The following CRAMP1 variants were observed in gnomAD, a reference collection of about 807,000 sequenced individuals.
CRAMP1 encodes protein cramped-like.
Under a neutral mutation model 115.4 loss-of-function variants are expected in CRAMP1, and 50 were observed. That is an observed-to-expected ratio of 0.43 (90% CI 0.35 to 0.55). The LOEUF (loss-of-function observed/expected upper bound fraction) is 0.55, where lower values mean the gene tolerates loss of function less well. Among genes scored for constraint, CRAMP1 ranks in the 20% least tolerant of loss-of-function variants. The pLI is 0.01. For synonymous variants in CRAMP1, 866 were observed against 745.4 expected, an observed-to-expected ratio of 1.16 and a Z score of -2.64; for missense variants, 1,679 against 1,721.7, an observed-to-expected ratio of 0.98 and a Z score of 0.44.
Position 1,650,194 on chromosome 16 carries a change from A to G in CRAMP1, c.828-2302A>G, listed in dbSNP as rs989901425. On this transcript the variant is annotated intron_variant, in intron 6 of 20. Coordinates refer to ENST00000397412, the MANE Select transcript of CRAMP1 (RefSeq NM_020825.4). The stretch of plus-strand genomic sequence containing the variant: ...GCATAATGCTGAAATTAGAGCTAGG[A>G]CCCTTTTAAAAGGATGGGGATTGCA... Among the ~76,000 whole-genome samples, 5 of 152,158 alleles carry G rather than the reference A, an allele frequency of 3.3e-5. No individual in the cohort carries two copies. The South Asian group carries it at 6.2e-4, about 19-fold the overall frequency.
Position 1,614,426 on chromosome 16 carries a change from C to G in CRAMP1, c.-1-213C>G. Among the ~76,000 whole-genome samples, 1 of 131,374 alleles carries G rather than the reference C, an allele frequency of 7.6e-6. No homozygotes were observed. The allele number at this position is 131,374 out of a possible 152,430, so 86.2% of individuals were successfully genotyped here. On this transcript the variant is annotated intron_variant, in intron 1 of 20. Transcript: ENST00000397412. The surrounding 1 kb of genome is among the most constrained non-coding windows in gnomAD (Gnocchi z 4.4). Reference sequence around the variant, plus strand: ...CGGCCAGGGGGCGTCCGGGGAGGCCCGGGAGGGTCCCGGGCTGGTGGGCAG... The same window carrying G: ...CGGCCAGGGGGCGTCCGGGGAGGCCGGGGAGGGTCCCGGGCTGGTGGGCAG...
rs748130394 is a variant in CRAMP1 at position 1,656,231 on chromosome 16, G to A, written c.1474G>A (p.Glu492Lys). 3.3e-5 allele frequency: 53 copies of A among 1,608,150 alleles called. No individual in the cohort carries two copies. The highest frequency in any genetic ancestry group is 4.2e-5 in the Non-Finnish European group (50 of 1,178,712). The change falls in exon 10 of 21, where the codon GAA becomes AAA. Residue 492 changes from glutamate (E) to lysine (K), a missense_variant. Physicochemically the swap from Glu to Lys is moderately conservative, Grantham distance 56 (BLOSUM62 1). Coordinates refer to ENST00000397412, the MANE Select transcript of CRAMP1 (RefSeq NM_020825.4). The surrounding 1 kb of genome is among the most constrained non-coding windows in gnomAD (Gnocchi z 5.6). ...ALQSSGESSP[E>K]SAPGEGAALS... ...GCAGAGCTCCGGAGAGAGTTCCCCC[G>A]AAAGCGCCCCCGGGGAGGGGGCTGC...
chr16:1,656,152 G>C lies in CRAMP1; in HGVS notation c.1395G>C (p.Arg465=). The change falls in exon 10 of 21, where the codon CGG becomes CGC. Residue 465 remains arginine, a synonymous_variant. Coordinates refer to ENST00000397412, the MANE Select transcript of CRAMP1 (RefSeq NM_020825.4). The surrounding 1 kb of genome is among the most constrained non-coding windows in gnomAD (Gnocchi z 5.6). ...GTARGQVKCP[R]SGAEGKGVGR... is the part of the protein sequence containing the mutation. ...CCCGGGGCCAGGTGAAATGCCCGCG[G>C]AGCGGAGCTGAGGGCAAGGGTGTGG... 5 of 1,607,222 alleles carry C rather than the reference G, an allele frequency of 3.1e-6. No individual in the cohort carries two copies. The highest frequency in any genetic ancestry group is 4.2e-6 in the Non-Finnish European group (5 of 1,177,742).
At chr16:1,632,428 G>A (rs762601424) in intron 4 of CRAMP1, 63 bp downstream of exon 4, 39 of 1,468,854 alleles carry the variant, frequency 2.7e-5, no homozygotes, top group Middle Eastern at 2.1e-4. Context: ...TGCTCAGAGC[G>A]CAGCTTCCAG....
rs1386733555 is a variant in CRAMP1 at position 1,647,699 on chromosome 16, A to C, written c.828-4797A>C. Among the ~76,000 whole-genome samples, 4 of 142,312 alleles carry C rather than the reference A, an allele frequency of 2.8e-5. No homozygotes were observed. In the East Asian group the frequency reaches 9.4e-4, roughly 33 times the overall value. The allele number at this position is 142,312 out of a possible 152,430, so 93.4% of individuals were successfully genotyped here. On this transcript the variant is annotated intron_variant, in intron 6 of 20. Transcript: ENST00000397412. ...GGGAGGCAGAGGTTTTAGTGAGCTGAGATGGCACCACTGCACTCCAGCCTG... is the reference window on the plus strand; with the variant it reads ...GGGAGGCAGAGGTTTTAGTGAGCTGCGATGGCACCACTGCACTCCAGCCTG...
At position 1,677,026 on chromosome 16, in the gene CRAMP1, A is replaced by G. The variant is rs1417802839; in HGVS notation, c.*2981A>G. 6.6e-6 allele frequency: 1 copy of G among 152,584 alleles called. No individual in the cohort carries two copies. The highest frequency in any genetic ancestry group is 1.5e-5 in the Non-Finnish European group (1 of 68,054). The allele number at this position is 152,584 out of a possible 1,614,324, so 9.5% of individuals were successfully genotyped here. On this transcript the variant is annotated 3_prime_UTR_variant, in exon 21 of 21. Transcript: ENST00000397412. ...GCATTGAATTCAAAATTTCTTCTGC[A>G]AAGAAAGTTGTGGGGCATAAGACAC...
Position 1,674,085 on chromosome 16 carries a change from G to A in CRAMP1, c.*40G>A. 1.3e-6 allele frequency: 2 copies of A among 1,589,604 alleles called. No homozygotes were observed. The highest frequency in any genetic ancestry group is 1.1e-5 in the South Asian group (1 of 88,928). ...GGCGGATGAAGCCCTCTTCGAGCTA[G>A]AGAAAAATAGATAAGCCCAGCAGCC... On this transcript the variant is annotated 3_prime_UTR_variant, in exon 21 of 21. Transcript: ENST00000397412.
intron 13 of CRAMP1, among the ~76,000 whole-genome samples, chr16:1,664,683 G>A (rs1490185145): frequency 6.6e-6 from 1 of 151,932 alleles, no homozygotes; most frequent in African/African-American, 2.4e-5. Context: ...GGAGGCTGAG[G>A]CAGGAGAATC....
intron 5 of CRAMP1, among the ~76,000 whole-genome samples, chr16:1,638,867 G>A (rs983403213): frequency 3.3e-5 from 5 of 152,026 alleles, no homozygotes; most frequent in Admixed American, 1.3e-4. Flanking sequence ...ATCTAGTGTG[G>A]CATTTGTGTG....
At position 1,665,261 on chromosome 16, in the gene CRAMP1, C is replaced by T. The variant is rs116322452; in HGVS notation, c.2752+123C>T. ...TCAGGCATTCCTTTGTCCATTCTAC[C>T]GACAAATACCTAATGTGCCCTATGT... On this transcript the variant is annotated intron_variant, in intron 14 of 20. Transcript: ENST00000397412. 6.0e-3 allele frequency: 4,294 copies of T among 712,976 alleles called. 147 individuals are homozygous for T. In the African/African-American group the frequency reaches 0.064, roughly 11 times the overall value. 44.2% of individuals were successfully genotyped at this position (712,976 alleles called of 1,614,324 possible). A position where few individuals can be genotyped will look rare whatever the true frequency, so the allele number is the denominator to read the frequency against.
chr16:1,614,792 C>A lies in CRAMP1; in HGVS notation c.153C>A (p.Thr51=). 7.6e-7 allele frequency: 1 copy of A among 1,310,178 alleles called. No homozygotes were observed. 81.2% of individuals were successfully genotyped at this position (1,310,178 alleles called of 1,614,324 possible). The change falls in exon 2 of 21, where the codon ACC becomes ACA. Residue 51 remains threonine, a synonymous_variant. Coordinates refer to ENST00000397412, the MANE Select transcript of CRAMP1 (RefSeq NM_020825.4). This position sits in a 1 kb window ranked among gnomAD's most constrained non-coding sequence, Gnocchi z 4.4. ...GCGGCACAAAGAGGGACGAGAAGAC[C>A]CCCCGGGCCGGCGCCGACGGCCCCC... ...ESSGTKRDEK[T]PRAGADGPPA...
chr16:1,620,128 G>T (rs1439917288), intron 2 of CRAMP1, among the ~76,000 whole-genome samples: 1 of 152,108 alleles, frequency 6.6e-6, no homozygotes, highest in Non-Finnish European at 1.5e-5. Flanking sequence ...TATCCACCAA[G>T]CCCTCACCCA....
At chr16:1,647,219 A>G (rs930454828) in intron 6 of CRAMP1, among the ~76,000 whole-genome samples, 1 of 152,240 alleles carries the variant, frequency 6.6e-6, no homozygotes, top group African/African-American at 2.4e-5. Context: ...AAATTAAATT[A>G]AAGACTAAAT....
intron 10 of CRAMP1, among the ~76,000 whole-genome samples, chr16:1,657,745 G>A (rs997463619): frequency 9.2e-5 from 14 of 152,294 alleles, no homozygotes; most frequent in Non-Finnish European, 7.4e-5. Context: ...CTGCTGCCAG[G>A]AGTAATCCTA....
At position 1,637,905 on chromosome 16, in the gene CRAMP1, G is replaced by T; in HGVS notation, c.776G>T (p.Gly259Val). The T allele has an allele frequency of 6.5e-7, 1 of 1,528,872 alleles. No individual in the cohort carries two copies. The highest frequency in any genetic ancestry group is 1.3e-5 in the South Asian group (1 of 78,870). 94.7% of individuals were successfully genotyped at this position (1,528,872 alleles called of 1,614,324 possible). A position where few individuals can be genotyped will look rare whatever the true frequency, so the allele number is the denominator to read the frequency against. Residue 259 changes from glycine (G) to valine (V), a missense_variant and splice_region_variant, in exon 5 of 21, where the codon GGC becomes GTC. This residue lies in a region of CRAMP1 where 42 missense variants were observed against 42.3 expected (regional missense o/e 0.99). Transcript: ENST00000397412. ...CYGELRKKIGGCMDDKNATKL... is the reference protein window; with the variant it reads ...CYGELRKKIGVCMDDKNATKL... ...GGCGAGCTGCGCAAGAAGATTGGGGGCTGTGAGTACGCTGACTGTGGGGTT... is the reference window on the plus strand; with the variant it reads ...GGCGAGCTGCGCAAGAAGATTGGGGTCTGTGAGTACGCTGACTGTGGGGTT...
intron 3 of CRAMP1, among the ~76,000 whole-genome samples, chr16:1,629,174 C>T (rs967557054): frequency 6.6e-6 from 1 of 152,226 alleles, no homozygotes; most frequent in Admixed American, 6.5e-5. Context: ...ACACAGCCAG[C>T]GTCCTGTGCT....
intron 6 of CRAMP1, among the ~76,000 whole-genome samples, chr16:1,650,859 AAC>A (rs2036716498): frequency 6.6e-6 from 1 of 152,276 alleles, no homozygotes; most frequent in Non-Finnish European, 1.5e-5. Flanking sequence ...CATTTTGTAA[AAC>A]ACAAGCCCAT....
rs78672477 is a variant in CRAMP1 at position 1,640,940 on chromosome 16, C to T, written c.779-199C>T. On this transcript the variant is annotated intron_variant, in intron 5 of 20. Coordinates refer to ENST00000397412, the MANE Select transcript of CRAMP1 (RefSeq NM_020825.4). Reference sequence around the variant, plus strand: ...GGGGCGTGCCAGGCTTTCAGGTGAGCGGGGGCGACCAGGGCAGCTGACTCG... The same window carrying T: ...GGGGCGTGCCAGGCTTTCAGGTGAGTGGGGGCGACCAGGGCAGCTGACTCG... Among the ~76,000 whole-genome samples the T allele has an allele frequency of 3.3e-5, 5 of 152,030 alleles. No individual in the cohort carries two copies. The East Asian group carries it at 5.8e-4, about 18-fold the overall frequency.
At chr16:1,658,529 G>GA (rs926832513) in intron 10 of CRAMP1, among the ~76,000 whole-genome samples, 16 of 152,240 alleles carry the variant, frequency 1.1e-4, no homozygotes, top group African/African-American at 3.6e-4. Flanking sequence ...GCTAGTTAGG[G>GA]AGGCTGACTT....
Sources: gnomAD v4.1 joint callset for allele counts (sites outside exome capture counted in the v4.1 genomes callset) on GRCh38, gnomAD v4.1.1 for gene constraint, gnomAD v4.1.1 regional missense constraint, Gnocchi (gnomAD v3.1) non-coding constraint, MANE v1.5 for transcripts, NCBI Gene and HGNC (gene_info 2026-07-23, HGNC 2026-07-21) for gene names.